The following HS6ST3 variants were observed in gnomAD, a reference collection of about 807,000 sequenced individuals.
The protein encoded by HS6ST3 is heparan sulfate 6-O-sulfotransferase 3.
A neutral mutation model predicts 36.7 loss-of-function variants in HS6ST3; 12 were observed. The ratio of observed to expected loss-of-function variants is 0.33; its 90% confidence interval spans 0.21 to 0.53. The LOEUF (loss-of-function observed/expected upper bound fraction) is 0.53. HS6ST3 is among the 20% of genes least tolerant of loss of function. The pLI is 0.95. For missense variants in HS6ST3, 584 were observed against 640.9 expected (o/e 0.91, Z 0.96); for synonymous variants, 240 against 257.5 (o/e 0.93, Z 0.65).
At chr13:96,585,219 G>A (rs2056356404) in intron 1 of HS6ST3, among the ~76,000 whole-genome samples, 1 of 151,934 alleles carries the variant, frequency 6.6e-6, no homozygotes, top group Non-Finnish European at 1.5e-5. Context: ...CACTATTATA[G>A]AGGACTTTTT....
chr13:96,459,070 C>G (rs2055768424), intron 1 of HS6ST3, among the ~76,000 whole-genome samples: 1 of 134,046 alleles, frequency 7.5e-6, no homozygotes. Flanking sequence ...TGTCACTACT[C>G]TCCAGCCTGG....
At chr13:96,343,701 T>A (rs2055140717) in intron 1 of HS6ST3, among the ~76,000 whole-genome samples, 1 of 152,208 alleles carries the variant, frequency 6.6e-6, no homozygotes, top group Admixed American at 6.5e-5. Context: ...CCATTTCCCT[T>A]ATTTATTTCC....
chr13:96,667,071 A>G (rs150841101), intron 1 of HS6ST3, among the ~76,000 whole-genome samples: 183 of 152,260 alleles, frequency 1.2e-3, no homozygotes, highest in African/African-American at 4.2e-3. Flanking sequence ...TATTTCTTTT[A>G]TTTATGATAC....
chr13:96,387,469 G>T (rs375710536), intron 1 of HS6ST3, among the ~76,000 whole-genome samples: 20 of 152,258 alleles, frequency 1.3e-4, no homozygotes, highest in African/African-American at 4.3e-4. Context: ...GGAGCTATTT[G>T]TCATTTGTCT....
At chr13:96,618,764 A>C (rs1048859658) in intron 1 of HS6ST3, among the ~76,000 whole-genome samples, 1 of 152,178 alleles carries the variant, frequency 6.6e-6, no homozygotes, top group Non-Finnish European at 1.5e-5. Context: ...TTTACATTCA[A>C]GCCTTGAACT....
intron 1 of HS6ST3, among the ~76,000 whole-genome samples, chr13:96,497,689 G>C (rs988519564): frequency 1.3e-5 from 2 of 152,066 alleles, no homozygotes; most frequent in East Asian, 3.9e-4. Flanking sequence ...GTTTCCCATT[G>C]CCCCTAGGTT....
In HS6ST3 at chr13:96,139,567, A is replaced by AAT. The variant is rs1491242538; in HGVS notation, c.707+47998_707+47999insAT. On this transcript the variant is annotated intron_variant, in intron 1 of 1. Transcript: ENST00000376705. ...AAAAAAAAAAAAAAAAAAAAAAAAAATCCATGTATAAGTTAATTTGGTATA... is the reference window on the plus strand; with the variant it reads ...AAAAAAAAAAAAAAAAAAAAAAAAAAATTCCATGTATAAGTTAATTTGGTATA... Among the ~76,000 whole-genome samples, 7 of 138,696 alleles carry AAT rather than the reference A, an allele frequency of 5.0e-5. 1 individual carries two copies. The highest frequency in any genetic ancestry group is 2.0e-4 in the African/African-American group (7 of 35,604). The allele number at this position is 138,696 out of a possible 152,430, so 91.0% of individuals were successfully genotyped here.
In HS6ST3 at chr13:96,802,824, A is replaced by G. The variant is rs370760748; in HGVS notation, c.708-29666A>G. On this transcript the variant is annotated intron_variant, in intron 1 of 1. Transcript: ENST00000376705. ...CTTATTTGTAGATTCACATTTTCAG[A>G]TACTTTTCCCATACTCTTTCCTATG... Among the ~76,000 whole-genome samples, 11 of 152,240 alleles carry G rather than the reference A, an allele frequency of 7.2e-5. 1 individual carries two copies. Among genetic ancestry groups the G allele is most frequent in the African/African-American group, 2.6e-4 (11 of 41,564 alleles).
chr13:96,637,224 A>G (rs2056553072), intron 1 of HS6ST3, among the ~76,000 whole-genome samples: 1 of 152,108 alleles, frequency 6.6e-6, no homozygotes, highest in African/African-American at 2.4e-5. Context: ...AGATAGGAAA[A>G]ATATTTACCT....
At chr13:96,217,949 T>C (rs2054435519) in intron 1 of HS6ST3, among the ~76,000 whole-genome samples, 1 of 152,208 alleles carries the variant, frequency 6.6e-6, no homozygotes, top group Non-Finnish European at 1.5e-5. Flanking sequence ...TTCTAGCACA[T>C]AGAATAATGT....
At chr13:96,143,675 C>T (rs778244229) in intron 1 of HS6ST3, among the ~76,000 whole-genome samples, 1 of 151,914 alleles carries the variant, frequency 6.6e-6, no homozygotes, top group Non-Finnish European at 1.5e-5. Context: ...AATTATTTCC[C>T]TTTCTAGACA....
chr13:96,406,679 G>A (rs1393442656), intron 1 of HS6ST3, among the ~76,000 whole-genome samples: 1 of 152,150 alleles, frequency 6.6e-6, no homozygotes, highest in Non-Finnish European at 1.5e-5. Flanking sequence ...ATTGTAAAAT[G>A]TAAAAGAGCA....
chr13:96,629,837 T>G (rs2056525826), intron 1 of HS6ST3, among the ~76,000 whole-genome samples: 1 of 152,134 alleles, frequency 6.6e-6, no homozygotes, highest in Admixed American at 6.5e-5. Flanking sequence ...CAATGTTTTT[T>G]TTTTCCTACC....
intron 1 of HS6ST3, among the ~76,000 whole-genome samples, chr13:96,428,148 C>T (rs894421187): frequency 1.3e-5 from 2 of 152,116 alleles, no homozygotes; most frequent in Non-Finnish European, 2.9e-5. Flanking sequence ...GAGATCAAGA[C>T]TGTCCTGGCT....
chr13:96,715,381 T>G (rs1207414181), intron 1 of HS6ST3, among the ~76,000 whole-genome samples: 1 of 150,672 alleles, frequency 6.6e-6, no homozygotes, highest in East Asian at 1.9e-4. Context: ...ATGTTTTACT[T>G]TTTTTAGCTT....
At chr13:96,346,572 C>CAAA (rs144388304) in intron 1 of HS6ST3, among the ~76,000 whole-genome samples, 38 of 132,832 alleles carry the variant, frequency 2.9e-4, no homozygotes, top group African/African-American at 9.4e-4. Flanking sequence ...GACTCCGTCT[C>CAAA]AAAAAAAAAA....
intron 1 of HS6ST3, among the ~76,000 whole-genome samples, chr13:96,655,912 G>A (rs940344772): frequency 1.3e-5 from 2 of 152,202 alleles, no homozygotes; most frequent in African/African-American, 2.4e-5. Flanking sequence ...TCTCAAGGAC[G>A]AAGGCTGGGT....
chr13:96,596,122 A>G (rs2056400588), intron 1 of HS6ST3, among the ~76,000 whole-genome samples: 1 of 152,082 alleles, frequency 6.6e-6, no homozygotes, highest in South Asian at 2.1e-4. Context: ...GTGAATCTCC[A>G]GTGTTTATTA....
At chr13:96,424,387 T>C (rs940830834) in intron 1 of HS6ST3, among the ~76,000 whole-genome samples, 2 of 152,192 alleles carry the variant, frequency 1.3e-5, no homozygotes, top group African/African-American at 4.8e-5. Context: ...CATTTAGAAA[T>C]ATTATACACA....
Sources: allele counts gnomAD v4.1 joint callset (sites outside exome capture counted in the v4.1 genomes callset), GRCh38; gene constraint gnomAD v4.1.1; transcripts MANE v1.5; gene names NCBI Gene and HGNC (gene_info 2026-07-23, HGNC 2026-07-21).